Variants in P2RY2 observed in about 807,000 individuals in gnomAD.
P2RY2 encodes the protein P2Y purinoceptor 2.
For missense variants in P2RY2, 567 were observed against 515.7 expected (o/e 1.10, Z -0.96); for synonymous variants, 241 against 231.9 (o/e 1.04, Z -0.35).
Position 73,234,849 on chromosome 11 carries a change from C to T in P2RY2, c.690C>T (p.Tyr230=), listed in dbSNP as rs1221778728. ...LMARRLLKPA[Y]GTSGGLPRAK... is the part of the protein sequence containing the mutation. ...CTCGGCGACTGCTAAAGCCAGCCTA[C>T]GGGACCTCGGGCGGCCTGCCTAGGG... is the stretch of plus-strand genomic sequence containing the variant. The change falls in exon 3 of 3, where the codon TAC becomes TAT. Residue 230 remains tyrosine (Y), a synonymous_variant. Coordinates refer to ENST00000393597, the MANE Select transcript of P2RY2 (RefSeq NM_002564.4). 7.5e-6 allele frequency: 12 copies of T among 1,610,474 alleles called. No individual in the cohort carries two copies. The highest frequency in any genetic ancestry group is 1.6e-4 in the Middle Eastern group (1 of 6,084).
At position 73,235,129 on chromosome 11, in the gene P2RY2, A is replaced by C; in HGVS notation, c.970A>C (p.Thr324Pro). The C allele has an allele frequency of 6.2e-7, 1 of 1,608,454 alleles. No homozygotes were observed. The highest frequency in any genetic ancestry group is 8.5e-7 in the Non-Finnish European group (1 of 1,178,772). ...VRFARDAKPP[T>P]GPSPATPARR... ...CTTTGCCCGAGATGCCAAGCCACCC[A>C]CTGGCCCCAGCCCTGCCACCCCGGC... The change falls in exon 3 of 3, where the codon ACT becomes CCT. Residue 324 changes from threonine (T) to proline (P), a missense_variant. Physicochemically the swap from Thr to Pro is conservative, Grantham distance 38. Coordinates refer to ENST00000393597, the MANE Select transcript of P2RY2 (RefSeq NM_002564.4).
At chr11:73,220,626 TC>T (rs1328218637) in intron 1 of P2RY2, among the ~76,000 whole-genome samples, 1 of 152,174 alleles carries the variant, frequency 6.6e-6, no homozygotes, top group Admixed American at 6.5e-5. Flanking sequence ...ACAAGTAAGA[TC>T]CTGCATGGGA....
At chr11:73,230,822 A>C (rs1862431080) in intron 2 of P2RY2, among the ~76,000 whole-genome samples, 1 of 149,166 alleles carries the variant, frequency 6.7e-6, no homozygotes, top group African/African-American at 2.5e-5. Context: ...ACCAGACTTG[A>C]GGGCTGGGCT....
At position 73,236,722 on chromosome 11, in the gene P2RY2, C is replaced by T; in HGVS notation, c.*1429C>T. ...GGGTAAATATGAAAGAGATTCACTC[C>T]TCCTCCTGTCCATCGTCTGCCTTCT... On this transcript the variant is annotated 3_prime_UTR_variant, in exon 3 of 3. Transcript: ENST00000393597. 2.0e-6 allele frequency: 2 copies of T among 985,392 alleles called. No homozygotes were observed. The highest frequency in any genetic ancestry group is 9.4e-5 in the South Asian group (2 of 21,284). 61.0% of individuals were successfully genotyped at this position (985,392 alleles called of 1,614,324 possible). A position where few individuals can be genotyped will look rare whatever the true frequency, so the allele number is the denominator to read the frequency against.
At chr11:73,224,802 T>C (rs1862230259) in intron 1 of P2RY2, among the ~76,000 whole-genome samples, 1 of 152,204 alleles carries the variant, frequency 6.6e-6, no homozygotes, top group Non-Finnish European at 1.5e-5. Context: ...CTTGTCTTCC[T>C]GAGATAACCC....
chr11:73,234,359 C>G lies in P2RY2; in HGVS notation c.200C>G (p.Ala67Gly), dbSNP rs751836374. The G allele has an allele frequency of 1.2e-6, 2 of 1,614,206 alleles. No homozygotes were observed. The highest frequency in any genetic ancestry group is 1.7e-5 in the Admixed American group (1 of 60,030). ...TTGTGCCGCCTCAAGACCTGGAATG[C>G]GTCCACCACATATATGTTCCACCTG... is the stretch of plus-strand genomic sequence containing the variant. ...IFLCRLKTWN[A>G]STTYMFHLAV... The change falls in exon 3 of 3, where the codon GCG becomes GGG. Residue 67 changes from alanine (A) to glycine (G), a missense_variant. Physicochemically the swap from Ala to Gly is moderately conservative, Grantham distance 60 (BLOSUM62 0). Transcript: ENST00000393597.
rs1482475781 is a variant in P2RY2 at position 73,218,827 on chromosome 11, T to A, written c.-200+395T>A. Among the ~76,000 whole-genome samples the A allele has an allele frequency of 3.9e-5, 6 of 152,160 alleles. No individual in the cohort carries two copies. The East Asian group carries it at 1.2e-3, about 30-fold the overall frequency. ...CCCCGTGGCGTGAGGCGGTGGCCGG[T>A]GCCCAGAGACGCGAACCCCTGGAGA... On this transcript the variant is annotated intron_variant, in intron 1 of 2. Coordinates refer to ENST00000393597, the MANE Select transcript of P2RY2 (RefSeq NM_002564.4).
At chr11:73,228,938 A>G (rs1312782451) in intron 2 of P2RY2, among the ~76,000 whole-genome samples, 1 of 152,184 alleles carries the variant, frequency 6.6e-6, no homozygotes, top group Non-Finnish European at 1.5e-5. Context: ...CAGAGGCTGC[A>G]GAGGGCTTGT....
chr11:73,229,292 C>A (rs191900373), intron 2 of P2RY2, among the ~76,000 whole-genome samples: 99 of 152,262 alleles, frequency 6.5e-4, no homozygotes, highest in African/African-American at 2.3e-3. Flanking sequence ...AGCATGAACA[C>A]AGGCAGGGGA....
intron 1 of P2RY2, among the ~76,000 whole-genome samples, chr11:73,222,284 G>C (rs1862140840): frequency 1.3e-5 from 2 of 152,124 alleles, no homozygotes. Flanking sequence ...CTGGCTTGTA[G>C]GAGGGGGACT....
At chr11:73,223,911 T>C (rs983472987) in intron 1 of P2RY2, among the ~76,000 whole-genome samples, 2 of 152,224 alleles carry the variant, frequency 1.3e-5, no homozygotes, top group Admixed American at 1.3e-4. Flanking sequence ...TTTAGAGGTC[T>C]TGGCTTTCTG....
At chr11:73,232,851 C>G (rs1862498592) in intron 2 of P2RY2, among the ~76,000 whole-genome samples, 1 of 152,170 alleles carries the variant, frequency 6.6e-6, no homozygotes. Context: ...GATTTCCAAC[C>G]TGCCTCCTGG....
rs1591643958 is a variant in P2RY2 at position 73,238,233 on chromosome 11, A to G, written c.*2940A>G. ...TGGAGCCATAGACCTGAGGCCAGGG[A>G]CAGGACAGGGATGGGAGGAAAGGGA... On this transcript the variant is annotated 3_prime_UTR_variant, in exon 3 of 3. Coordinates refer to ENST00000393597, the MANE Select transcript of P2RY2 (RefSeq NM_002564.4). 6.6e-6 allele frequency among the ~76,000 whole-genome samples: 1 copy of G among 152,314 alleles called. No homozygotes were observed. Among genetic ancestry groups the G allele is most frequent in the African/African-American group, 2.4e-5 (1 of 41,558 alleles).
At chr11:73,222,906 G>A (rs73536982) in intron 1 of P2RY2, among the ~76,000 whole-genome samples, 9,893 of 152,186 alleles carry the variant, frequency 0.065, 849 homozygotes, top group African/African-American at 0.2. Flanking sequence ...ACTCCTCAAG[G>A]GCCCAGCAGA....
chr11:73,220,885 G>T (rs1862098533), intron 1 of P2RY2, among the ~76,000 whole-genome samples: 1 of 152,138 alleles, frequency 6.6e-6, no homozygotes, highest in South Asian at 2.1e-4. Flanking sequence ...AGGTGTGAGG[G>T]TATCACCAGG....
chr11:73,240,469 C>G lies in P2RY2; in HGVS notation c.*5176C>G, dbSNP rs1862751633. 6.6e-6 allele frequency: 1 copy of G among 152,586 alleles called. No homozygotes were observed. The highest frequency in any genetic ancestry group is 3.4e-3 in the Middle Eastern group (1 of 296). 9.5% of individuals were successfully genotyped at this position (152,586 alleles called of 1,614,324 possible). On this transcript the variant is annotated 3_prime_UTR_variant, in exon 3 of 3. Transcript: ENST00000393597. ...CACCCTGATGTCATTTCCTGGGGCT[C>G]TTAACTCCTGAAGGCCATTGTGAAA...
chr11:73,234,474 C>A lies in P2RY2; in HGVS notation c.315C>A (p.Leu105=). 6.2e-7 allele frequency: 1 copy of A among 1,614,162 alleles called. No individual in the cohort carries two copies. Among genetic ancestry groups the A allele is most frequent in the Non-Finnish European group, 8.5e-7 (1 of 1,180,026 alleles). ...RGDHWPFSTV[L]CKLVRFLFYT... ...ACCACTGGCCCTTCAGCACGGTGCT[C>A]TGCAAGCTGGTGCGCTTCCTCTTCT... The change falls in exon 3 of 3, where the codon CTC becomes CTA. Residue 105 remains leucine, a synonymous_variant. Transcript: ENST00000393597.
At chr11:73,230,157 G>A (rs777052713) in intron 2 of P2RY2, among the ~76,000 whole-genome samples, 1 of 152,056 alleles carries the variant, frequency 6.6e-6, no homozygotes, top group Non-Finnish European at 1.5e-5. Context: ...CTGTGAGCCA[G>A]CGACTCTCAG....
Position 73,235,310 on chromosome 11 carries a change from C to A in P2RY2, c.*17C>A, listed in dbSNP as rs1862619160. On this transcript the variant is annotated 3_prime_UTR_variant, in exon 3 of 3. Transcript: ENST00000393597. ...CGGCTGTAGGAGCAGAACACTTCAGCCTGTGCAGGTTTATATTGGGAAGCT... is the reference window on the plus strand; with the variant it reads ...CGGCTGTAGGAGCAGAACACTTCAGACTGTGCAGGTTTATATTGGGAAGCT... 6.5e-7 allele frequency: 1 copy of A among 1,529,786 alleles called. No individual in the cohort carries two copies. Among genetic ancestry groups the A allele is most frequent in the South Asian group, 1.3e-5 (1 of 77,294 alleles). 94.8% of individuals were successfully genotyped at this position (1,529,786 alleles called of 1,614,324 possible). A position where few individuals can be genotyped will look rare whatever the true frequency, so the allele number is the denominator to read the frequency against.
Sources: allele counts gnomAD v4.1 joint callset (sites outside exome capture counted in the v4.1 genomes callset), GRCh38; gene constraint gnomAD v4.1.1; transcripts MANE v1.5; gene names NCBI Gene and HGNC (gene_info 2026-07-23, HGNC 2026-07-21).